Variants in DCC observed in about 807,000 individuals in gnomAD.
DCC encodes the protein netrin receptor DCC.
Under a neutral mutation model 172.5 loss-of-function variants are expected in DCC, and 58 were observed. The ratio of observed to expected loss-of-function variants is 0.34; its 90% CI spans 0.27 to 0.42. DCC has a LOEUF of 0.42. DCC is among the 10% of genes least tolerant of loss of function. The pLI, the probability that DCC is intolerant of heterozygous loss-of-function variation, is 1.00. For synonymous variants in DCC, 709 were observed against 644.5 expected (o/e 1.10, Z -1.52); for missense variants, 1,740 against 1,791.0 (o/e 0.97, Z 0.51).
At chr18:52,861,628 T>TA (rs1223292780) in intron 2 of DCC, among the ~76,000 whole-genome samples, 2 of 151,794 alleles carry the variant, frequency 1.3e-5, no homozygotes, top group Non-Finnish European at 1.5e-5. Flanking sequence ...AAACAAAATA[T>TA]AAAAAAGAAT....
intron 7 of DCC, among the ~76,000 whole-genome samples, chr18:53,132,036 T>C (rs183725719): frequency 2.0e-4 from 30 of 150,722 alleles, no homozygotes; most frequent in Admixed American, 1.7e-3. Context: ...AGTTCATTAT[T>C]GTTTAGCAGA....
intron 26 of DCC, among the ~76,000 whole-genome samples, chr18:53,488,425 C>T (rs938072345): frequency 3.3e-5 from 5 of 152,008 alleles, no homozygotes; most frequent in Non-Finnish European, 7.4e-5. Context: ...CGGGTTTCTC[C>T]ATCATGACTG....
intron 7 of DCC, among the ~76,000 whole-genome samples, chr18:53,128,847 A>G (rs2043604299): frequency 1.5e-5 from 1 of 64,652 alleles, no homozygotes; most frequent in Non-Finnish European, 3.0e-5. Flanking sequence ...ACACACACAC[A>G]CACACACACA....
intron 8 of DCC, among the ~76,000 whole-genome samples, chr18:53,174,944 C>T (rs1009909577): frequency 2.0e-4 from 31 of 152,246 alleles, no homozygotes; most frequent in East Asian, 1.2e-3. Context: ...ACTGGCAAAA[C>T]GAATCCATCA....
chr18:52,813,668 T>C (rs751510586), intron 2 of DCC, among the ~76,000 whole-genome samples: 5 of 152,214 alleles, frequency 3.3e-5, no homozygotes, highest in South Asian at 2.1e-4. Context: ...AGGTTGTTTT[T>C]GGTTGAGATT....
chr18:53,362,829 G>T (rs377369214), intron 15 of DCC, among the ~76,000 whole-genome samples: 132 of 152,068 alleles, frequency 8.7e-4, no homozygotes, highest in Middle Eastern at 6.8e-3. Flanking sequence ...TATTACTTAC[G>T]CTGCTGTATT....
At chr18:52,644,406 G>A (rs958069192) in intron 1 of DCC, among the ~76,000 whole-genome samples, 7 of 151,962 alleles carry the variant, frequency 4.6e-5, no homozygotes, top group East Asian at 1.9e-4. Flanking sequence ...GTGAAACCCC[G>A]TCTCTACTAA....
intron 1 of DCC, among the ~76,000 whole-genome samples, chr18:52,586,714 G>T (rs2033683055): frequency 6.6e-6 from 1 of 152,168 alleles, no homozygotes; most frequent in Admixed American, 6.5e-5. Flanking sequence ...TTCTGGCTAT[G>T]GGAGAAACAG....
At chr18:53,159,721 A>G (rs1054284914) in intron 8 of DCC, among the ~76,000 whole-genome samples, 3 of 151,904 alleles carry the variant, frequency 2.0e-5, no homozygotes, top group Non-Finnish European at 2.9e-5. Context: ...AATGGTTAAA[A>G]TTTTTTCACT....
intron 7 of DCC, among the ~76,000 whole-genome samples, chr18:53,076,943 C>T (rs992826300): frequency 6.6e-6 from 1 of 152,136 alleles, no homozygotes; most frequent in Non-Finnish European, 1.5e-5. Context: ...CCATTCTTGC[C>T]TCTGTAGCCT....
intron 12 of DCC, among the ~76,000 whole-genome samples, chr18:53,228,764 G>A (rs536450306): frequency 6.6e-6 from 1 of 152,092 alleles, no homozygotes; most frequent in Non-Finnish European, 1.5e-5. Context: ...CCCAATTAAA[G>A]TTCTCAAACT....
intron 7 of DCC, among the ~76,000 whole-genome samples, chr18:53,136,537 A>C (rs1363952187): frequency 6.6e-6 from 1 of 152,216 alleles, no homozygotes. Flanking sequence ...GTATAAGTCT[A>C]CTTATATAAA....
At chr18:52,561,183 T>A (rs571510032) in intron 1 of DCC, among the ~76,000 whole-genome samples, 7 of 152,120 alleles carry the variant, frequency 4.6e-5, no homozygotes, top group African/African-American at 1.7e-4. Flanking sequence ...TTAAATATAT[T>A]TTATTGGTGT....
intron 5 of DCC, among the ~76,000 whole-genome samples, chr18:52,948,578 G>A (rs114276675): frequency 1.3e-5 from 2 of 152,046 alleles, no homozygotes; most frequent in African/African-American, 4.8e-5. Context: ...AGGGTTAAAT[G>A]GCATGCCTAC....
chr18:53,118,910 TTCTC>T (rs1395576134), intron 7 of DCC, among the ~76,000 whole-genome samples: 1 of 151,808 alleles, frequency 6.6e-6, no homozygotes, highest in Non-Finnish European at 1.5e-5. Context: ...TTTTTTTTCC[TTCTC>T]TCTCTTTATC....
intron 1 of DCC, among the ~76,000 whole-genome samples, chr18:52,426,032 A>G (rs1987413652): frequency 6.6e-6 from 1 of 152,242 alleles, no homozygotes; most frequent in South Asian, 2.1e-4. Flanking sequence ...TCTTCAACTC[A>G]CACAGAAGCA....
chr18:53,451,955 A>C (rs1198546255), intron 23 of DCC, among the ~76,000 whole-genome samples: 2 of 152,218 alleles, frequency 1.3e-5, no homozygotes, highest in Non-Finnish European at 2.9e-5. Context: ...AGATTTGACT[A>C]GTTTGAAGCT....
At chr18:53,505,260 G>C (rs1362049388) in intron 27 of DCC, 1 of 152,190 alleles carries the variant, frequency 6.6e-6, no homozygotes, top group Non-Finnish European at 1.5e-5. Context: ...TCTACGGTAA[G>C]GCAGGAAGCC....
At chr18:52,567,819 TA>T (rs959111911) in intron 1 of DCC, among the ~76,000 whole-genome samples, 27 of 151,080 alleles carry the variant, frequency 1.8e-4, no homozygotes, top group Non-Finnish European at 2.7e-4. Context: ...GTATTGAGCT[TA>T]AAAAAAAACA....
Sources: allele counts gnomAD v4.1 joint callset (sites outside exome capture counted in the v4.1 genomes callset), GRCh38; gene constraint gnomAD v4.1.1; transcripts MANE v1.5; gene names NCBI Gene and HGNC (gene_info 2026-07-23, HGNC 2026-07-21).